The following LIPM variants were observed in gnomAD, a reference collection of about 807,000 sequenced individuals.
The protein encoded by LIPM is lipase member M.
A neutral mutation model predicts 42.4 loss-of-function variants in LIPM; 42 were observed. That is an observed-to-expected ratio of 0.99 (90% CI 0.77 to 1.28). The LOEUF (loss-of-function observed/expected upper bound fraction) is 1.28, where lower values mean the gene tolerates loss of function less well. LIPM is among the 50% of genes most tolerant of loss of function. The pLI, the probability that LIPM is intolerant of heterozygous loss-of-function variation, is 0.00. For missense variants in LIPM, 524 were observed against 520.1 expected (o/e 1.01, Z -0.07); for synonymous variants, 177 against 173.3 (o/e 1.02, Z -0.17).
Position 88,815,466 on chromosome 10 carries a change from T to G in LIPM, c.821T>G (p.Leu274Ter). 3 of 1,551,566 alleles carry G rather than the reference T, an allele frequency of 1.9e-6. No individual in the cohort carries two copies. The highest frequency in any genetic ancestry group is 1.7e-6 in the Non-Finnish European group (2 of 1,146,898). The part of the protein sequence containing the change: ...ILDQICSNIM[L>*]LLGGFNTNNM... ...GATCAGATTTGTAGTAATATCATGTTACTTCTGGGTGGATTCAACACCAAC... is the reference window on the plus strand; with the variant it reads ...GATCAGATTTGTAGTAATATCATGTGACTTCTGGGTGGATTCAACACCAAC... Residue 274 changes from leucine (L) to a stop codon, truncating the protein, a stop_gained, in exon 6 of 9, where the codon TTA (leucine) becomes TGA (stop). Coordinates refer to ENST00000404743, the MANE Select transcript of LIPM (RefSeq NM_001128215.1). LOFTEE classifies it high-confidence loss of function.
chr10:88,814,705 C>T, intron 4 of LIPM, 66 bp downstream of exon 4: 1 of 1,218,782 alleles, frequency 8.2e-7, no homozygotes. Context: ...CTAGCTATCC[C>T]TGAAATCTGT....
intron 1 of LIPM, among the ~76,000 whole-genome samples, chr10:88,807,882 T>A (rs1356977671): frequency 6.6e-6 from 1 of 152,200 alleles, no homozygotes; most frequent in Non-Finnish European, 1.5e-5. Context: ...AAGATTCTGA[T>A]GCACAACGAG....
At chr10:88,815,985 G>A (rs1490292633) in intron 6 of LIPM, among the ~76,000 whole-genome samples, 1 of 152,152 alleles carries the variant, frequency 6.6e-6, no homozygotes, top group Admixed American at 6.5e-5. Flanking sequence ...TTTGGGTCCT[G>A]CTCTAGGGAT....
At chr10:88,804,023 C>G (rs920329963) in intron 1 of LIPM, among the ~76,000 whole-genome samples, 1 of 152,168 alleles carries the variant, frequency 6.6e-6, no homozygotes, top group Non-Finnish European at 1.5e-5. Flanking sequence ...GAAAATGGAA[C>G]TTTAACATGT....
rs1405592306 is a variant in LIPM at position 88,820,340 on chromosome 10, G to A, written c.1111G>A (p.Glu371Lys). 2 of 1,552,296 alleles carry A rather than the reference G, an allele frequency of 1.3e-6. No individual in the cohort carries two copies. The highest frequency in any genetic ancestry group is 8.7e-7 in the Non-Finnish European group (1 of 1,147,128). ...NPEDVKMLLS[E>K]VTNLIYHKNI... ...AGAAGACGTGAAAATGCTGCTCTCTGAGGTGACCAACCTCATCTACCATAA... is the reference window on the plus strand; with the variant it reads ...AGAAGACGTGAAAATGCTGCTCTCTAAGGTGACCAACCTCATCTACCATAA... Residue 371 changes from glutamate (E) to lysine (K), a missense_variant, in exon 9 of 9, where the codon GAG becomes AAG. By Grantham distance (56) the Glu-to-Lys change is moderately conservative (BLOSUM62 1). Transcript: ENST00000404743.
At chr10:88,806,660 T>C (rs773156200) in intron 1 of LIPM, among the ~76,000 whole-genome samples, 5 of 152,148 alleles carry the variant, frequency 3.3e-5, no homozygotes, top group Non-Finnish European at 7.4e-5. Flanking sequence ...GTAATTCTGA[T>C]GCATGCTAAA....
chr10:88,815,626 A>T (rs1843710601), intron 6 of LIPM, 123 bp downstream of exon 6: 1 of 835,534 alleles, frequency 1.2e-6, no homozygotes, highest in Non-Finnish European at 1.8e-6. Flanking sequence ...TCAGTAACTC[A>T]GTTCTCTGCA....
At chr10:88,805,908 A>G (rs1472561459) in intron 1 of LIPM, 2 of 454,630 alleles carry the variant, frequency 4.4e-6, no homozygotes, top group East Asian at 7.0e-5. Flanking sequence ...ACTTCAAAAC[A>G]GCCAGACTCA....
At chr10:88,814,427 G>C in intron 3 of LIPM, 103 bp from the exon 4 acceptor site, 2 of 711,814 alleles carry the variant, frequency 2.8e-6, no homozygotes, top group East Asian at 5.4e-5. Context: ...CAAGCTGTCA[G>C]AGTTGACAAC....
chr10:88,809,784 C>G (rs183832075), intron 2 of LIPM, among the ~76,000 whole-genome samples: 12 of 151,766 alleles, frequency 7.9e-5, no homozygotes, highest in Non-Finnish European at 1.6e-4. Flanking sequence ...TTGAAACCAC[C>G]TTTTTTTTTC....
At chr10:88,804,278 G>A (rs1269551096) in intron 1 of LIPM, among the ~76,000 whole-genome samples, 2 of 152,092 alleles carry the variant, frequency 1.3e-5, no homozygotes, top group Non-Finnish European at 2.9e-5. Flanking sequence ...TCTCTGCAGT[G>A]GCAGACAGAG....
intron 7 of LIPM, 58 bp downstream of exon 7, chr10:88,816,945 A>C (rs1843724993): frequency 7.8e-7 from 1 of 1,278,888 alleles, no homozygotes; most frequent in African/African-American, 1.5e-5. Context: ...TGTGTAGAAT[A>C]GTCAAAGGAC....
chr10:88,811,752 T>A (rs1843659345), intron 2 of LIPM, among the ~76,000 whole-genome samples: 1 of 152,180 alleles, frequency 6.6e-6, no homozygotes, highest in African/African-American at 2.4e-5. Flanking sequence ...CTCCCCCATC[T>A]CTTACGTGTA....
chr10:88,802,788 A>C lies in LIPM; in HGVS notation c.-109A>C, dbSNP rs1843543206. 6 of 1,149,430 alleles carry C rather than the reference A, an allele frequency of 5.2e-6. No homozygotes were observed. The highest frequency in any genetic ancestry group is 1.6e-5 in the African/African-American group (1 of 63,578). The allele number at this position is 1,149,430 out of a possible 1,614,324, so 71.2% of individuals were successfully genotyped here. ...GCCTAATTTGCTTCAGAATTGGAAG[A>C]GGGAATTGCAGCAGGAAAATATGTG... On this transcript the variant is annotated 5_prime_UTR_variant, in exon 1 of 9. Transcript: ENST00000404743.
At chr10:88,807,400 C>T (rs1843602378) in intron 1 of LIPM, among the ~76,000 whole-genome samples, 1 of 152,200 alleles carries the variant, frequency 6.6e-6, no homozygotes. Flanking sequence ...GTTTGGCCTT[C>T]TCTCTTGCTC....
intron 8 of LIPM, 74 bp from the exon 9 acceptor site, chr10:88,820,158 T>C: frequency 8.1e-7 from 1 of 1,230,476 alleles, no homozygotes; most frequent in Non-Finnish European, 1.1e-6. Context: ...GTTTATTATG[T>C]CTATTTGAAA....
intron 4 of LIPM, 77 bp downstream of exon 4, chr10:88,814,716 C>T (rs974289712): frequency 9.9e-6 from 11 of 1,114,532 alleles, no homozygotes; most frequent in Non-Finnish European, 1.5e-5. Flanking sequence ...TGAAATCTGT[C>T]ACCTTGTGCT....
Position 88,815,165 on chromosome 10 carries a change from G to C in LIPM, c.652G>C (p.Val218Leu). The change falls in exon 5 of 9, where the codon GTT becomes CTT. Residue 218 changes from valine to leucine, a missense_variant. Val to Leu is a conservative substitution (Grantham distance 32). Coordinates refer to ENST00000404743, the MANE Select transcript of LIPM (RefSeq NM_001128215.1). ...MYFALAPIAT[V>L]KHAKSPGTKF... is the part of the protein sequence containing the mutation. ...TTTTGCTTTAGCACCCATAGCCACTGTTAAGCATGCAAAAAGCCCCGGGAC... is the reference window on the plus strand; with the variant it reads ...TTTTGCTTTAGCACCCATAGCCACTCTTAAGCATGCAAAAAGCCCCGGGAC... 1 of 1,551,918 alleles carries C rather than the reference G, an allele frequency of 6.4e-7. No homozygotes were observed. The highest frequency in any genetic ancestry group is 8.7e-7 in the Non-Finnish European group (1 of 1,147,018).
chr10:88,819,957 A>C (rs1843766900), intron 8 of LIPM, among the ~76,000 whole-genome samples: 1 of 152,250 alleles, frequency 6.6e-6, no homozygotes, highest in African/African-American at 2.4e-5. Flanking sequence ...AATACAAGGC[A>C]TTACATGTTT....
Sources: allele counts gnomAD v4.1 joint callset (sites outside exome capture counted in the v4.1 genomes callset), GRCh38; gene constraint gnomAD v4.1.1; transcripts MANE v1.5; gene names NCBI Gene and HGNC (gene_info 2026-07-23, HGNC 2026-07-21).